Variants in SMAP1 observed in about 807,000 individuals in gnomAD.
SMAP1 encodes the protein stromal membrane-associated protein 1.
In SMAP1, 24 loss-of-function variants were observed where a neutral mutation model predicts 58.5. The observed-to-expected ratio is 0.41, with a 90% confidence interval of 0.30 to 0.58. SMAP1 has a LOEUF of 0.58. SMAP1 is among the 20% of genes least tolerant of loss of function. The pLI is 0.29. For missense variants in SMAP1, 563 were observed against 566.3 expected (o/e 0.99, Z 0.06); for synonymous variants, 216 against 196.6 (o/e 1.10, Z -0.82).
intron 6 of SMAP1, among the ~76,000 whole-genome samples, chr6:70,813,436 A>C (rs1166185600): frequency 6.6e-6 from 1 of 152,174 alleles, no homozygotes; most frequent in Non-Finnish European, 1.5e-5. Flanking sequence ...AAATGAATAA[A>C]TATAATTCTG....
chr6:70,702,456 A>G (rs1453754877), intron 1 of SMAP1, among the ~76,000 whole-genome samples: 1 of 151,282 alleles, frequency 6.6e-6, no homozygotes, highest in East Asian at 1.9e-4. Flanking sequence ...ACATTCTTTT[A>G]GCAGTTTTTT....
chr6:70,702,385 T>C (rs1163373688), intron 1 of SMAP1, among the ~76,000 whole-genome samples: 2 of 122,052 alleles, frequency 1.6e-5, no homozygotes, highest in African/African-American at 2.8e-5. Context: ...ACATGCTTTT[T>C]TTTTGGGGAG....
chr6:70,750,446 CTG>C (rs1422050487), intron 2 of SMAP1, among the ~76,000 whole-genome samples: 1 of 152,148 alleles, frequency 6.6e-6, no homozygotes, highest in Non-Finnish European at 1.5e-5. Flanking sequence ...TCTTCAGTCT[CTG>C]TAAAATATAA....
chr6:70,733,538 G>T (rs554099687), intron 2 of SMAP1, among the ~76,000 whole-genome samples: 2 of 152,244 alleles, frequency 1.3e-5, no homozygotes, highest in East Asian at 1.9e-4. Context: ...TCATGATGTT[G>T]TAAGTCTTTT....
At chr6:70,764,099 A>G (rs1766864917) in intron 3 of SMAP1, among the ~76,000 whole-genome samples, 1 of 151,594 alleles carries the variant, frequency 6.6e-6, no homozygotes, top group African/African-American at 2.4e-5. Context: ...TTTTTTGTAA[A>G]GATGGGCTTG....
chr6:70,790,678 G>A (rs1278669318), intron 4 of SMAP1, among the ~76,000 whole-genome samples: 3 of 152,096 alleles, frequency 2.0e-5, no homozygotes, highest in African/African-American at 7.2e-5. Context: ...TGTGATTCAG[G>A]AATTACTGCC....
At chr6:70,701,817 G>T (rs1327160955) in intron 1 of SMAP1, among the ~76,000 whole-genome samples, 2 of 152,142 alleles carry the variant, frequency 1.3e-5, no homozygotes, top group African/African-American at 4.8e-5. Context: ...ATTAAAACCA[G>T]ATACTTTGGT....
chr6:70,817,945 T>C (rs1334219451), intron 6 of SMAP1, among the ~76,000 whole-genome samples: 1 of 152,178 alleles, frequency 6.6e-6, no homozygotes, highest in East Asian at 1.9e-4. Flanking sequence ...GATGAAAAAG[T>C]GTATCTCCAG....
intron 2 of SMAP1, among the ~76,000 whole-genome samples, chr6:70,740,667 A>G (rs1765777316): frequency 6.6e-6 from 1 of 152,168 alleles, no homozygotes; most frequent in Non-Finnish European, 1.5e-5. Context: ...ATGGTCAGAT[A>G]TGAGAGTTTG....
intron 1 of SMAP1, among the ~76,000 whole-genome samples, chr6:70,725,370 C>T (rs1009208430): frequency 6.6e-6 from 1 of 152,018 alleles, no homozygotes; most frequent in Non-Finnish European, 1.5e-5. Context: ...CCCGCCTCGG[C>T]CTCCCTAAGT....
At chr6:70,668,319 C>T (rs1295088477) in intron 1 of SMAP1, among the ~76,000 whole-genome samples, 178 bp downstream of exon 1, 2 of 152,142 alleles carry the variant, frequency 1.3e-5, no homozygotes, top group African/African-American at 4.8e-5. Context: ...CTCAAGTCCG[C>T]CAGAGGCGGC....
At chr6:70,736,549 C>T (rs568237509) in intron 2 of SMAP1, among the ~76,000 whole-genome samples, 2 of 152,094 alleles carry the variant, frequency 1.3e-5, no homozygotes, top group African/African-American at 4.8e-5. Flanking sequence ...GAAATTTGGT[C>T]TATAGTGATA....
chr6:70,695,494 G>A (rs973843370), intron 1 of SMAP1, among the ~76,000 whole-genome samples: 2 of 152,036 alleles, frequency 1.3e-5, no homozygotes, highest in Non-Finnish European at 2.9e-5. Flanking sequence ...ATCATAAAGG[G>A]ATGTTGAATT....
chr6:70,687,178 CA>C (rs1299277245), intron 1 of SMAP1, among the ~76,000 whole-genome samples: 1 of 152,122 alleles, frequency 6.6e-6, no homozygotes, highest in Non-Finnish European at 1.5e-5. Context: ...AGAATGTTTC[CA>C]GCATCATGGA....
At chr6:70,804,362 C>G (rs973747302) in intron 6 of SMAP1, among the ~76,000 whole-genome samples, 3 of 151,430 alleles carry the variant, frequency 2.0e-5, no homozygotes, top group African/African-American at 7.3e-5. Flanking sequence ...TTCCTCCATC[C>G]CTTTATTTTG....
intron 1 of SMAP1, among the ~76,000 whole-genome samples, chr6:70,712,296 G>T (rs960746669): frequency 6.6e-6 from 1 of 152,194 alleles, no homozygotes; most frequent in Non-Finnish European, 1.5e-5. Context: ...CTTGGTCAAA[G>T]TGTATTATCT....
chr6:70,860,432 T>C lies in SMAP1; in HGVS notation c.*98T>C, dbSNP rs1771667497. Reference sequence around the variant, plus strand: ...TATTCATATGCATATTTTTTTTCTTTTTACCCATTTGTTCATATTAAGAAT... The same window carrying C: ...TATTCATATGCATATTTTTTTTCTTCTTACCCATTTGTTCATATTAAGAAT... On this transcript the variant is annotated 3_prime_UTR_variant, in exon 11 of 11. Transcript: ENST00000370455. 12 of 1,417,022 alleles carry C rather than the reference T, an allele frequency of 8.5e-6. No individual in the cohort carries two copies. Among genetic ancestry groups the C allele is most frequent in the Non-Finnish European group, 1.0e-5 (11 of 1,053,998 alleles). The allele number at this position is 1,417,022 out of a possible 1,614,324, so 87.8% of individuals were successfully genotyped here.
intron 7 of SMAP1, among the ~76,000 whole-genome samples, chr6:70,845,982 G>A (rs1230181718): frequency 6.6e-6 from 1 of 152,180 alleles, no homozygotes; most frequent in African/African-American, 2.4e-5. Context: ...TGGAAGCTGT[G>A]TCTATGAAAA....
intron 6 of SMAP1, among the ~76,000 whole-genome samples, chr6:70,802,137 G>A (rs1361832089): frequency 1.3e-5 from 2 of 151,974 alleles, no homozygotes; most frequent in African/African-American, 4.8e-5. Context: ...TTAATTCTTC[G>A]TATCTATGAG....
Sources: gnomAD v4.1 joint callset for allele counts (sites outside exome capture counted in the v4.1 genomes callset) on GRCh38, gnomAD v4.1.1 for gene constraint, MANE v1.5 for transcripts, NCBI Gene and HGNC (gene_info 2026-07-23, HGNC 2026-07-21) for gene names.